CLMN: variants seen among roughly 807,000 people sequenced by gnomAD.
The protein encoded by CLMN is calmin.
In CLMN, 57 loss-of-function variants were observed where a neutral mutation model predicts 92.7. The ratio of observed to expected loss-of-function variants is 0.61; its 90% confidence interval spans 0.50 to 0.77. The LOEUF (loss-of-function observed/expected upper bound fraction) is 0.77. CLMN is among the 30% of genes least tolerant of loss of function. The pLI is 0.00. For missense variants in CLMN, 1,158 were observed against 1,237.5 expected (o/e 0.94, Z 0.96); for synonymous variants, 466 against 470.6 (o/e 0.99, Z 0.13).
intron 2 of CLMN, 129 bp from the exon 3 acceptor site, chr14:95,223,984 C>G: frequency 1.5e-6 from 1 of 657,066 alleles, no homozygotes. Flanking sequence ...GTAGAAAAGC[C>G]CATCCAAGGA....
chr14:95,317,645 A>AT (rs1901849332), intron 1 of CLMN, among the ~76,000 whole-genome samples: 1 of 151,758 alleles, frequency 6.6e-6, no homozygotes, highest in Non-Finnish European at 1.5e-5. Flanking sequence ...ATCCAGTTGT[A>AT]TATCAGGTTC....
intron 1 of CLMN, among the ~76,000 whole-genome samples, chr14:95,289,386 G>A (rs1900465863): frequency 1.3e-5 from 2 of 151,920 alleles, no homozygotes; most frequent in Admixed American, 6.6e-5. Flanking sequence ...CCAGCTACGT[G>A]GGAGGCTGAG....
At chr14:95,215,088 A>C (rs1217033310) in intron 5 of CLMN, among the ~76,000 whole-genome samples, 2 of 152,234 alleles carry the variant, frequency 1.3e-5, no homozygotes, top group Non-Finnish European at 2.9e-5. Context: ...CATGTGCCCC[A>C]GAACTTAAAG....
chr14:95,237,776 A>G (rs1316921084), intron 1 of CLMN, among the ~76,000 whole-genome samples: 2 of 152,006 alleles, frequency 1.3e-5, no homozygotes, highest in African/African-American at 4.8e-5. Context: ...CCAACCTTTT[A>G]TATAAGTGAC....
At position 95,188,252 on chromosome 14, in the gene CLMN, G is replaced by A. The variant is rs1456252025; in HGVS notation, c.*3312C>T. 1 of 152,096 alleles carries A rather than the reference G, an allele frequency of 6.6e-6. No homozygotes were observed. Among genetic ancestry groups the A allele is most frequent in the Non-Finnish European group, 1.5e-5 (1 of 68,030 alleles). 9.4% of individuals were successfully genotyped at this position (152,096 alleles called of 1,614,324 possible). A position where few individuals can be genotyped will look rare whatever the true frequency, so the allele number is the denominator to read the frequency against. On this transcript the variant is annotated 3_prime_UTR_variant, in exon 13 of 13. Transcript: ENST00000298912. ...ATTCACAACGTGAAAGATAGAGACT[G>A]AGACCACCAAAATAAAGAGAACTCA... is the stretch of plus-strand genomic sequence containing the variant.
chr14:95,224,503 G>A (rs538858504), intron 2 of CLMN, among the ~76,000 whole-genome samples: 2 of 152,134 alleles, frequency 1.3e-5, no homozygotes, highest in East Asian at 1.9e-4. Context: ...GTCTGGTCTC[G>A]AACTCCTGAC....
chr14:95,253,511 A>G (rs1254659191), intron 1 of CLMN, among the ~76,000 whole-genome samples: 1 of 152,304 alleles, frequency 6.6e-6, no homozygotes, highest in South Asian at 2.1e-4. Context: ...CAAGTCTCGC[A>G]TGCAGGGAAT....
At chr14:95,293,290 CTCCT>C (rs1900663520) in intron 1 of CLMN, among the ~76,000 whole-genome samples, 1 of 79,534 alleles carries the variant, frequency 1.3e-5, no homozygotes, top group Non-Finnish European at 2.6e-5. Flanking sequence ...TCCTCCCTCC[CTCCT>C]TCCTTCCCTC....
At chr14:95,239,959 C>T (rs1898188764) in intron 1 of CLMN, among the ~76,000 whole-genome samples, 1 of 152,080 alleles carries the variant, frequency 6.6e-6, no homozygotes, top group Non-Finnish European at 1.5e-5. Flanking sequence ...TTTTACTGTG[C>T]CTCTTCTATG....
At chr14:95,227,209 C>G (rs1420999574) in intron 2 of CLMN, among the ~76,000 whole-genome samples, 2 of 152,124 alleles carry the variant, frequency 1.3e-5, no homozygotes, top group African/African-American at 4.8e-5. Flanking sequence ...CCGTGGAGGG[C>G]CTGTGTTTCA....
intron 2 of CLMN, 45 bp from the exon 3 acceptor site, chr14:95,223,900 G>A (rs373622543): frequency 3.0e-6 from 4 of 1,342,394 alleles, no homozygotes; most frequent in Non-Finnish European, 4.3e-6. Flanking sequence ...CAACCTGTGT[G>A]ATCCACAAAG....
chr14:95,268,548 C>A (rs1258453947), intron 1 of CLMN, among the ~76,000 whole-genome samples: 1 of 152,096 alleles, frequency 6.6e-6, no homozygotes, highest in African/African-American at 2.4e-5. Flanking sequence ...ACAACTAATC[C>A]TTTTGATGGA....
At chr14:95,218,616 G>A (rs988157290) in intron 4 of CLMN, among the ~76,000 whole-genome samples, 5 of 152,222 alleles carry the variant, frequency 3.3e-5, no homozygotes, top group African/African-American at 1.2e-4. Context: ...AGGGCCCACT[G>A]AGTATTTTGT....
intron 4 of CLMN, among the ~76,000 whole-genome samples, chr14:95,219,478 G>A (rs1408452167): frequency 6.6e-6 from 1 of 152,246 alleles, no homozygotes; most frequent in Non-Finnish European, 1.5e-5. Flanking sequence ...GTGACGCAGT[G>A]AGAGCTGGAG....
chr14:95,248,366 T>C (rs763637501), intron 1 of CLMN, among the ~76,000 whole-genome samples: 5 of 152,180 alleles, frequency 3.3e-5, no homozygotes, highest in Non-Finnish European at 5.9e-5. Flanking sequence ...AGACCTTGAC[T>C]CAAATATTTC....
At chr14:95,235,565 G>A (rs1898024899) in intron 1 of CLMN, among the ~76,000 whole-genome samples, 1 of 152,130 alleles carries the variant, frequency 6.6e-6, no homozygotes, top group Non-Finnish European at 1.5e-5. Flanking sequence ...TGACTCGTGG[G>A]CACTGGGCCA....
rs1163799806 is a variant in CLMN, at chr14:95,189,811, C to T, written c.*1753G>A. 2 of 152,198 alleles carry T rather than the reference C, an allele frequency of 1.3e-5. No individual in the cohort carries two copies. Among genetic ancestry groups the T allele is most frequent in the Non-Finnish European group, 2.9e-5 (2 of 68,044 alleles). The allele number at this position is 152,198 out of a possible 1,614,324, so 9.4% of individuals were successfully genotyped here. On this transcript the variant is annotated 3_prime_UTR_variant, in exon 13 of 13. Transcript: ENST00000298912. ...CTTGGCCTTCCAGATGGAATCACTC[C>T]AAGCTCCCAGCAGCTTTCTGGTTGG...
At chr14:95,241,128 G>T (rs2140654799) in intron 1 of CLMN, among the ~76,000 whole-genome samples, 1 of 151,872 alleles carries the variant, frequency 6.6e-6, no homozygotes, top group African/African-American at 2.4e-5. Context: ...ACCCTGATTT[G>T]CATTTTTAAG....
Position 95,245,227 on chromosome 14 carries a change from A to ATATATATATATAT in CLMN, c.83-15095_83-15094insATATATATATATA, listed in dbSNP as rs1898471706. Among the ~76,000 whole-genome samples, 16 of 31,234 alleles carry ATATATATATATAT rather than the reference A, an allele frequency of 5.1e-4. 1 individual carries two copies. Among genetic ancestry groups the ATATATATATATAT allele is most frequent in the South Asian group, 9.7e-4 (1 of 1,026 alleles). 20.5% of individuals were successfully genotyped at this position (31,234 alleles called of 152,430 possible). ...TATATATTATATATATATATATATTATATATATATATTATATATATATATA... is the reference window on the plus strand; with the variant it reads ...TATATATTATATATATATATATATTATATATATATATATTATATATATATTATATATATATATA... On this transcript the variant is annotated intron_variant, in intron 1 of 12. Coordinates refer to ENST00000298912, the MANE Select transcript of CLMN (RefSeq NM_024734.4).
Sources: allele counts gnomAD v4.1 joint callset (sites outside exome capture counted in the v4.1 genomes callset), GRCh38; gene constraint gnomAD v4.1.1; transcripts MANE v1.5; gene names NCBI Gene and HGNC (gene_info 2026-07-23, HGNC 2026-07-21).